The following GRB14 variants were observed in gnomAD, a reference collection of about 807,000 sequenced individuals.
The protein encoded by GRB14 is growth factor receptor-bound protein 14.
A neutral mutation model predicts 69.1 loss-of-function variants in GRB14; 38 were observed. The ratio of observed to expected loss-of-function variants is 0.55; its 90% CI spans 0.42 to 0.72. The LOEUF (loss-of-function observed/expected upper bound fraction) is 0.72, where lower values mean the gene tolerates loss of function less well. Ranked by LOEUF, GRB14 falls within the 30% of genes least tolerant of loss-of-function variation. GRB14 has a pLI of 0.00. For missense variants in GRB14, 666 were observed against 666.1 expected (o/e 1.00, Z 0.00); for synonymous variants, 247 against 241.3 (o/e 1.02, Z -0.22).
At chr2:164,585,585 CA>C (rs1456278382) in intron 2 of GRB14, among the ~76,000 whole-genome samples, 2 of 151,774 alleles carry the variant, frequency 1.3e-5, no homozygotes, top group African/African-American at 2.4e-5. Flanking sequence ...TTTACCATAC[CA>C]AAAAAATGAT....
chr2:164,508,704 G>T, intron 7 of GRB14, 38 bp downstream of exon 7: 1 of 1,503,290 alleles, frequency 6.7e-7, no homozygotes, highest in Non-Finnish European at 9.1e-7. Context: ...AAAGGCTGAG[G>T]CTTGCTTTAT....
intron 4 of GRB14, 21 bp downstream of exon 4, chr2:164,526,993 A>G (rs202204670): frequency 1.2e-4 from 190 of 1,536,676 alleles, no homozygotes; most frequent in Non-Finnish European, 1.5e-4. Flanking sequence ...TTCCGTAACT[A>G]TTAGGAGGGA....
At chr2:164,513,059 C>T (rs1256101776) in intron 6 of GRB14, among the ~76,000 whole-genome samples, 2 of 152,162 alleles carry the variant, frequency 1.3e-5, no homozygotes, top group Admixed American at 6.6e-5. Flanking sequence ...ACAAATCTGG[C>T]CTTTTGCCAT....
In GRB14 at chr2:164,497,568, A is replaced by G. The variant is rs545847875; in HGVS notation, c.1105-78T>C. ...TCAAATAAATTGAAAGTGTTTTTCAATTTCAGTGTTTTTCTCTCAGTGTTT... is the reference window on the plus strand; with the variant it reads ...TCAAATAAATTGAAAGTGTTTTTCAGTTTCAGTGTTTTTCTCTCAGTGTTT... On this transcript the variant is annotated intron_variant, in intron 9 of 13. Transcript: ENST00000263915. 24 of 1,001,036 alleles carry G rather than the reference A, an allele frequency of 2.4e-5. No individual in the cohort carries two copies. The Admixed American group carries it at 4.0e-4, about 17-fold the overall frequency. 62.0% of individuals were successfully genotyped at this position (1,001,036 alleles called of 1,614,324 possible). A position where few individuals can be genotyped will look rare whatever the true frequency, so the allele number is the denominator to read the frequency against.
chr2:164,508,473 G>T lies in GRB14; in HGVS notation c.1005C>A (p.Thr335=), dbSNP rs757740337. ...EEEQSRTCWV[T]AIRLLKYGMQ... is the part of the protein sequence containing the mutation. ...AGATTACCTTAAGCAATCTAATCGC[G>T]GTCACCCAGCACGTCCTACTCTGCT... Residue 335 remains threonine, a synonymous_variant, in exon 8 of 14, where the codon ACC becomes ACA. Coordinates refer to ENST00000263915, the MANE Select transcript of GRB14 (RefSeq NM_004490.3). 1.2e-6 allele frequency: 2 copies of T among 1,613,802 alleles called. No individual in the cohort carries two copies. Among genetic ancestry groups the T allele is most frequent in the South Asian group, 2.2e-5 (2 of 91,060 alleles).
intron 2 of GRB14, among the ~76,000 whole-genome samples, chr2:164,548,982 A>T (rs1276416285): frequency 6.6e-6 from 1 of 151,912 alleles, no homozygotes; most frequent in East Asian, 1.9e-4. Flanking sequence ...GGTTCAAATG[A>T]TTCTCCTCTC....
chr2:164,579,007 G>A (rs1423357713), intron 2 of GRB14, among the ~76,000 whole-genome samples: 1 of 151,724 alleles, frequency 6.6e-6, no homozygotes, highest in Non-Finnish European at 1.5e-5. Context: ...GACTAACGAA[G>A]AACTGTTAAA....
chr2:164,511,846 T>C (rs1387499836), intron 6 of GRB14, among the ~76,000 whole-genome samples: 1 of 152,156 alleles, frequency 6.6e-6, no homozygotes. Context: ...TCCCCAGTTC[T>C]GGGCCTCAGC....
intron 4 of GRB14, among the ~76,000 whole-genome samples, chr2:164,526,560 C>T (rs929016347): frequency 2.6e-5 from 4 of 152,018 alleles, no homozygotes; most frequent in Admixed American, 2.0e-4. Context: ...ATACTCTCAA[C>T]AATCATTAGT....
intron 5 of GRB14, among the ~76,000 whole-genome samples, chr2:164,524,016 G>A (rs1001504132): frequency 5.9e-5 from 9 of 151,968 alleles, no homozygotes; most frequent in Non-Finnish European, 1.2e-4. Flanking sequence ...AAAAACCCAG[G>A]AGCACAGAAG....
chr2:164,526,746 C>G (rs997771108), intron 4 of GRB14, among the ~76,000 whole-genome samples: 1 of 151,930 alleles, frequency 6.6e-6, no homozygotes, highest in African/African-American at 2.4e-5. Flanking sequence ...TTTCCTAATA[C>G]TTTTAAATTA....
chr2:164,534,702 T>A (rs1474475944), intron 3 of GRB14, among the ~76,000 whole-genome samples: 1 of 152,152 alleles, frequency 6.6e-6, no homozygotes, highest in Non-Finnish European at 1.5e-5. Context: ...ACCAAGTAAG[T>A]AATCCTACTA....
At chr2:164,523,297 A>G (rs1036755416) in intron 5 of GRB14, among the ~76,000 whole-genome samples, 4 of 152,100 alleles carry the variant, frequency 2.6e-5, no homozygotes, top group Non-Finnish European at 5.9e-5. Flanking sequence ...CATGGTAATA[A>G]TTAATTGAGA....
At chr2:164,502,827 T>C (rs537858878) in intron 8 of GRB14, among the ~76,000 whole-genome samples, 15 of 152,246 alleles carry the variant, frequency 9.9e-5, no homozygotes, top group African/African-American at 3.4e-4. Context: ...TTGAAAATTA[T>C]TGACAATATA....
chr2:164,551,824 T>A (rs75613258), intron 2 of GRB14, among the ~76,000 whole-genome samples: 2,290 of 152,270 alleles, frequency 0.015, 27 homozygotes, highest in Non-Finnish European at 0.024. Context: ...CAGCTATGTG[T>A]CTTAGACTGT....
chr2:164,512,464 G>A (rs530522603), intron 6 of GRB14, among the ~76,000 whole-genome samples: 1 of 152,290 alleles, frequency 6.6e-6, no homozygotes, highest in East Asian at 1.9e-4. Context: ...ACCACACCTG[G>A]CCGATTTCCA....
At chr2:164,530,692 T>C (rs1314145202) in intron 3 of GRB14, among the ~76,000 whole-genome samples, 2 of 151,482 alleles carry the variant, frequency 1.3e-5, no homozygotes, top group Non-Finnish European at 2.9e-5. Flanking sequence ...AGCCAGGAGG[T>C]TAGTGTGGCT....
At position 164,522,006 on chromosome 2, in the gene GRB14, A is replaced by G; in HGVS notation, c.790T>C (p.Tyr264His). 1 of 1,603,564 alleles carries G rather than the reference A, an allele frequency of 6.2e-7. No homozygotes were observed. Among genetic ancestry groups the G allele is most frequent in the East Asian group, 2.2e-5 (1 of 44,656 alleles). Residue 264 changes from tyrosine to histidine, a missense_variant, in exon 6 of 14, where the codon TAT (tyrosine) becomes CAT (histidine). Coordinates refer to ENST00000263915, the MANE Select transcript of GRB14 (RefSeq NM_004490.3). The stretch of plus-strand genomic sequence containing the variant: ...TTTGATGTTCCTTTAGTAGAAAAAT[A>G]TAAACCAGATCTTCTTAGAAAAAAG... ...IYFFLRRSGL[Y>H]FSTKGTSKEP...
At chr2:164,511,525 C>T (rs917207505) in intron 6 of GRB14, among the ~76,000 whole-genome samples, 4 of 152,102 alleles carry the variant, frequency 2.6e-5, no homozygotes, top group African/African-American at 9.7e-5. Context: ...AACCCACTGC[C>T]TTGAAGGGAA....
Sources: gnomAD v4.1 joint callset for allele counts (sites outside exome capture counted in the v4.1 genomes callset) on GRCh38, gnomAD v4.1.1 for gene constraint, MANE v1.5 for transcripts, NCBI Gene and HGNC (gene_info 2026-07-23, HGNC 2026-07-21) for gene names.